PUS10: variants seen among roughly 807,000 people sequenced by gnomAD.
PUS10 encodes the protein pseudouridine synthase 10, also known as tRNA pseudouridine synthase Pus10.
Under a neutral mutation model 75.0 loss-of-function variants are expected in PUS10, and 59 were observed. The ratio of observed to expected loss-of-function variants is 0.79; its 90% CI spans 0.64 to 0.98. The LOEUF (loss-of-function observed/expected upper bound fraction) is 0.98. Among genes scored for constraint, PUS10 ranks in the 50% least tolerant of loss-of-function variants. The pLI is 0.00. For missense variants in PUS10, 650 were observed against 614.4 expected (o/e 1.06, Z -0.61); for synonymous variants, 219 against 211.6 (o/e 1.03, Z -0.30).
intron 8 of PUS10, among the ~76,000 whole-genome samples, chr2:60,963,846 G>C (rs1286022880): frequency 1.3e-5 from 2 of 152,092 alleles, no homozygotes; most frequent in Admixed American, 6.6e-5. Flanking sequence ...CCAATGGTGT[G>C]GTGTCTATGA....
At chr2:61,014,539 T>C (rs1212442040) in intron 1 of PUS10, among the ~76,000 whole-genome samples, 1 of 152,224 alleles carries the variant, frequency 6.6e-6, no homozygotes, top group Non-Finnish European at 1.5e-5. Context: ...CTGTCTCCTG[T>C]TACCGGGAAG....
Position 60,973,276 on chromosome 2 carries a change from G to A in PUS10, c.469-1719C>T, listed in dbSNP as rs148545551. On this transcript the variant is annotated intron_variant, in intron 4 of 17. Transcript: ENST00000316752. Reference sequence around the variant, plus strand: ...GGGCGGCCTCTGCTGTGGGGAAAACGCAAAGAGGCAGGCAGTCCCTGGAGT... The same window carrying A: ...GGGCGGCCTCTGCTGTGGGGAAAACACAAAGAGGCAGGCAGTCCCTGGAGT... 1.3e-3 allele frequency among the ~76,000 whole-genome samples: 194 copies of A among 152,348 alleles called. 2 individuals are homozygous for A. In the East Asian group the frequency reaches 0.032, roughly 25 times the overall value.
chr2:60,993,456 CAA>C (rs1001531838), intron 4 of PUS10, among the ~76,000 whole-genome samples: 1 of 116,076 alleles, frequency 8.6e-6, no homozygotes. Flanking sequence ...GACTCTGTCT[CAA>C]AAAAAAAAAG....
chr2:61,000,073 C>T (rs1409751482), intron 4 of PUS10, among the ~76,000 whole-genome samples: 3 of 152,078 alleles, frequency 2.0e-5, no homozygotes, highest in Non-Finnish European at 4.4e-5. Flanking sequence ...CCACAGATAT[C>T]AAGGGACAAC....
intron 15 of PUS10, among the ~76,000 whole-genome samples, chr2:60,951,066 G>A (rs1675306953): frequency 6.6e-6 from 1 of 152,130 alleles, no homozygotes; most frequent in Non-Finnish European, 1.5e-5. Context: ...CTTGGCCACT[G>A]TTCTTTTTGC....
chr2:61,005,346 A>G (rs1679142265), intron 4 of PUS10, among the ~76,000 whole-genome samples: 1 of 152,248 alleles, frequency 6.6e-6, no homozygotes, highest in Admixed American at 6.5e-5. Context: ...TTAAGCTAAT[A>G]TTGTTAAAAT....
chr2:60,961,639 A>G (rs1460221589), intron 9 of PUS10, 91 bp from the exon 10 acceptor site: 10 of 1,089,324 alleles, frequency 9.2e-6, no homozygotes, highest in Middle Eastern at 4.0e-4. Context: ...AGACATACAC[A>G]GAGCCCAAGT....
intron 16 of PUS10, among the ~76,000 whole-genome samples, chr2:60,946,448 A>G (rs932797712): frequency 6.6e-6 from 1 of 152,222 alleles, no homozygotes; most frequent in Non-Finnish European, 1.5e-5. Flanking sequence ...ATAGGATTGA[A>G]AAGACATCAA....
In PUS10 at chr2:60,967,611, T is replaced by C; in HGVS notation, c.506A>G (p.Lys169Arg). 1 of 1,585,666 alleles carries C rather than the reference T, an allele frequency of 6.3e-7. No individual in the cohort carries two copies. The highest frequency in any genetic ancestry group is 8.6e-7 in the Non-Finnish European group (1 of 1,167,352). ...ATCTCTTCCCAGCGACAGACTCTGC[T>C]TTCTGAATAACATAAAAATTAATTC... ...AWLLVKQEMGKQSLSLGRDDI... is the reference protein window; with the variant it reads ...AWLLVKQEMGRQSLSLGRDDI... Residue 169 changes from lysine (K) to arginine (R), a missense_variant and splice_region_variant, in exon 6 of 18, where the codon AAG becomes AGG. Transcript: ENST00000316752.
chr2:61,011,724 T>G (rs1234000817), intron 2 of PUS10, 41 bp downstream of exon 2: 1 of 1,420,494 alleles, frequency 7.0e-7, no homozygotes, highest in Non-Finnish European at 9.3e-7. Context: ...ACAGAGAACC[T>G]TCTCTTAATT....
rs796138087 is a variant in PUS10, at chr2:60,950,416, T to A, written c.1309-2231A>T. 6.6e-5 allele frequency among the ~76,000 whole-genome samples: 10 copies of A among 152,118 alleles called. 1 individual carries two copies. Among genetic ancestry groups the A allele is most frequent in the African/African-American group, 2.2e-4 (9 of 41,508 alleles). ...AATTAAATAGGGTCATATGCTGGGTTTTGTTTTTGCTTTTGTTTTGAGACA... is the reference window on the plus strand; with the variant it reads ...AATTAAATAGGGTCATATGCTGGGTATTGTTTTTGCTTTTGTTTTGAGACA... On this transcript the variant is annotated intron_variant, in intron 15 of 17. Transcript: ENST00000316752.
intron 4 of PUS10, among the ~76,000 whole-genome samples, chr2:60,979,433 G>T (rs1375428647): frequency 6.6e-6 from 1 of 151,884 alleles, no homozygotes; most frequent in Non-Finnish European, 1.5e-5. Flanking sequence ...TCTCAGGCGT[G>T]GTGGCAAAAA....
intron 2 of PUS10, 42 bp from the exon 3 acceptor site, chr2:61,009,057 T>C (rs1413201398): frequency 2.6e-6 from 4 of 1,561,928 alleles, no homozygotes; most frequent in Admixed American, 1.9e-5. Context: ...CCACTGACAA[T>C]GTCCTTAAGG....
rs1194037823 is a variant in PUS10 at position 61,006,631 on chromosome 2, C to A, written c.394G>T (p.Val132Phe). 3 of 1,611,844 alleles carry A rather than the reference C, an allele frequency of 1.9e-6. No homozygotes were observed. Among genetic ancestry groups the A allele is most frequent in the Non-Finnish European group, 2.5e-6 (3 of 1,179,056 alleles). The change falls in exon 4 of 18, where the codon GTT (valine) becomes TTT (phenylalanine). Residue 132 changes from valine to phenylalanine, a missense_variant. Coordinates refer to ENST00000316752, the MANE Select transcript of PUS10 (RefSeq NM_144709.4). Reference sequence around the variant, plus strand: ...GTGAATTCAAACCCAGAGGCCTCAACCTTTTGGCACACCTGAAAAAGCATT... The same window carrying A: ...GTGAATTCAAACCCAGAGGCCTCAAACTTTTGGCACACCTGAAAAAGCATT... ...KDFIKKVCQK[V>F]EASGFEFTSL...
chr2:60,996,782 T>C (rs1332121844), intron 4 of PUS10, among the ~76,000 whole-genome samples: 3 of 152,054 alleles, frequency 2.0e-5, no homozygotes, highest in African/African-American at 7.2e-5. Flanking sequence ...CTGAAAAAAA[T>C]TGCCCATAGC....
chr2:60,968,057 A>T (rs1001677245), intron 5 of PUS10, among the ~76,000 whole-genome samples: 1 of 152,180 alleles, frequency 6.6e-6, no homozygotes, highest in African/African-American at 2.4e-5. Context: ...CTTTTGGGAA[A>T]TCAACAAAGA....
In PUS10 at chr2:61,008,817, A is replaced by G; in HGVS notation, c.325T>C (p.Cys109Arg). Residue 109 changes from cysteine to arginine, a missense_variant, in exon 3 of 18, where the codon TGT (cysteine) becomes CGT (arginine). By Grantham distance (180) the Cys-to-Arg change is radical. Coordinates refer to ENST00000316752, the MANE Select transcript of PUS10 (RefSeq NM_144709.4). ...TASKNSNLNVCNVCLGILQEF... is the reference protein window; with the variant it reads ...TASKNSNLNVRNVCLGILQEF... ...TGAAGAATTCCTAGGCATACATTACATACATTTAAATTTGAGTTCTTGGAA... is the reference window on the plus strand; with the variant it reads ...TGAAGAATTCCTAGGCATACATTACGTACATTTAAATTTGAGTTCTTGGAA... The G allele has an allele frequency of 6.2e-7, 1 of 1,608,670 alleles. No homozygotes were observed. Among genetic ancestry groups the G allele is most frequent in the Non-Finnish European group, 8.5e-7 (1 of 1,176,070 alleles).
At chr2:60,945,568 C>T (rs939388767) in intron 16 of PUS10, among the ~76,000 whole-genome samples, 2 of 152,088 alleles carry the variant, frequency 1.3e-5, no homozygotes, top group African/African-American at 4.8e-5. Flanking sequence ...TGTAACATGA[C>T]CCAGAGGCAA....
chr2:60,975,338 G>A (rs1676967821), intron 4 of PUS10, among the ~76,000 whole-genome samples: 1 of 151,986 alleles, frequency 6.6e-6, no homozygotes, highest in South Asian at 2.1e-4. Flanking sequence ...GTAGAGACAG[G>A]GTTTCACCTT....
Sources: gnomAD v4.1 joint callset for allele counts (sites outside exome capture counted in the v4.1 genomes callset) on GRCh38, gnomAD v4.1.1 for gene constraint, MANE v1.5 for transcripts, NCBI Gene and HGNC (gene_info 2026-07-23, HGNC 2026-07-21) for gene names.